BBX: variants seen among roughly 807,000 people sequenced by gnomAD.
The protein encoded by BBX is HMG box transcription factor BBX.
A neutral mutation model predicts 100.2 loss-of-function variants in BBX; 30 were observed. The ratio of observed to expected loss-of-function variants is 0.30; its 90% confidence interval spans 0.22 to 0.41. The LOEUF is 0.41. Ranked by LOEUF, BBX falls within the 10% of genes least tolerant of loss-of-function variation. The probability of loss-of-function intolerance (pLI) is 1.00; values close to 1 mark genes in which losing one functional copy is unlikely to be tolerated. For synonymous variants in BBX, 376 were observed against 388.1 expected, an observed-to-expected ratio of 0.97 and a Z score of 0.37; for missense variants, 1,023 against 1,129.8, an observed-to-expected ratio of 0.91 and a Z score of 1.35.
intron 2 of BBX, among the ~76,000 whole-genome samples, chr3:107,600,553 G>T (rs1298477216): frequency 2.0e-5 from 3 of 152,174 alleles, no homozygotes. Context: ...TGCTGGCACT[G>T]TTCTTTTCCA....
intron 5 of BBX, among the ~76,000 whole-genome samples, chr3:107,717,180 A>T (rs1350099422): frequency 6.6e-6 from 1 of 152,146 alleles, no homozygotes; most frequent in Non-Finnish European, 1.5e-5. Flanking sequence ...TTGTTTATTT[A>T]TCATGGTAAT....
At chr3:107,526,181 G>T (rs2047761092) in intron 1 of BBX, 146 bp from the exon 2 acceptor site, 1 of 396,290 alleles carries the variant, frequency 2.5e-6, no homozygotes, top group Non-Finnish European at 4.4e-6. Context: ...TCCAGTGTCG[G>T]GGGGTGGTAG....
intron 2 of BBX, among the ~76,000 whole-genome samples, chr3:107,637,100 G>A (rs1460723316): frequency 6.6e-6 from 1 of 152,030 alleles, no homozygotes; most frequent in African/African-American, 2.4e-5. Flanking sequence ...GAAGTTTTAA[G>A]CTTACAGCAA....
chr3:107,797,006 G>A (rs899274673), intron 15 of BBX, among the ~76,000 whole-genome samples: 1 of 151,972 alleles, frequency 6.6e-6, no homozygotes, highest in Admixed American at 6.5e-5. Flanking sequence ...ATTGAGGTAA[G>A]GCCAAACCAC....
At chr3:107,698,571 G>C (rs961759325) in intron 3 of BBX, among the ~76,000 whole-genome samples, 1 of 151,048 alleles carries the variant, frequency 6.6e-6, no homozygotes, top group African/African-American at 2.5e-5. Context: ...AGAATTGCTT[G>C]AACCTGGCAG....
chr3:107,773,024 A>G lies in BBX; in HGVS notation c.1303A>G (p.Ile435Val), dbSNP rs1431264779. Residue 435 changes from isoleucine (I) to valine (V), a missense_variant, in exon 11 of 18, where the codon ATT becomes GTT. Physicochemically the swap from Ile to Val is conservative, Grantham distance 29 (BLOSUM62 3). Around this residue, in one of 9 missense-constraint regions of BBX, gnomAD observed 348 missense variants for 353.2 expected, o/e 0.99. Coordinates refer to ENST00000325805, the MANE Select transcript of BBX (RefSeq NM_001142568.3). This position sits in a 1 kb window ranked among gnomAD's most constrained non-coding sequence, Gnocchi z 4.1. ...GGATCATATGTGCCATCCTCATGGA[A>G]TTATGATCATTGAGGATCCCGCAGC... The part of the protein sequence containing the change: ...RKDHMCHPHG[I>V]MIIEDPAALN... 2 of 1,614,002 alleles carry G rather than the reference A, an allele frequency of 1.2e-6. No individual in the cohort carries two copies. The highest frequency in any genetic ancestry group is 1.7e-6 in the Non-Finnish European group (2 of 1,180,008).
chr3:107,810,138 A>G lies in BBX; in HGVS notation c.*4681A>G, dbSNP rs979982077. 2 of 151,330 alleles carry G rather than the reference A, an allele frequency of 1.3e-5. No individual in the cohort carries two copies. The highest frequency in any genetic ancestry group is 1.5e-5 in the Non-Finnish European group (1 of 67,920). 9.4% of individuals were successfully genotyped at this position (151,330 alleles called of 1,614,324 possible). ...CAAGCGTGAATAAAAAGACAAATGT[A>G]TTTGACTCCCTCATAATCCCCATCT... On this transcript the variant is annotated 3_prime_UTR_variant, in exon 18 of 18. Coordinates refer to ENST00000325805, the MANE Select transcript of BBX (RefSeq NM_001142568.3).
At chr3:107,676,285 T>A (rs2059276478) in intron 3 of BBX, among the ~76,000 whole-genome samples, 1 of 152,186 alleles carries the variant, frequency 6.6e-6, no homozygotes, top group Non-Finnish European at 1.5e-5. Context: ...TTTGGTTGGA[T>A]ATCAGTCTTC....
intron 10 of BBX, among the ~76,000 whole-genome samples, chr3:107,760,131 A>G (rs373735367): frequency 2.6e-5 from 4 of 152,342 alleles, no homozygotes; most frequent in African/African-American, 9.6e-5. Context: ...CACATGGACA[A>G]TAAGTGTTAG....
chr3:107,701,785 A>G (rs902114958), intron 3 of BBX, among the ~76,000 whole-genome samples: 2 of 150,590 alleles, frequency 1.3e-5, no homozygotes, highest in Non-Finnish European at 3.0e-5. Context: ...GAAGCAAAAT[A>G]TGTTATCTCT....
At position 107,746,177 on chromosome 3, in the gene BBX, C is replaced by T. The variant is rs925247052; in HGVS notation, c.750+1467C>T. ...ATATATTGTATTTAGGTATAACCTA[C>T]AATATTTGTGTATTTCCCCTTATAT... On this transcript the variant is annotated intron_variant, in intron 8 of 17. Transcript: ENST00000325805. Among the ~76,000 whole-genome samples, 4 of 152,170 alleles carry T rather than the reference C, an allele frequency of 2.6e-5. No homozygotes were observed. The South Asian group carries it at 8.3e-4, about 32-fold the overall frequency.
At chr3:107,757,946 G>A (rs2065615619) in intron 10 of BBX, among the ~76,000 whole-genome samples, 1 of 152,064 alleles carries the variant, frequency 6.6e-6, no homozygotes, top group Non-Finnish European at 1.5e-5. Flanking sequence ...CACCCATCTC[G>A]GGATTTCTAA....
intron 2 of BBX, among the ~76,000 whole-genome samples, chr3:107,637,572 G>C (rs1381851727): frequency 6.6e-6 from 1 of 152,184 alleles, no homozygotes; most frequent in Non-Finnish European, 1.5e-5. Flanking sequence ...TTGTGTGGTC[G>C]ATGGGTTGAA....
chr3:107,704,717 G>A (rs1244904760), intron 3 of BBX, among the ~76,000 whole-genome samples: 1 of 152,154 alleles, frequency 6.6e-6, no homozygotes, highest in Non-Finnish European at 1.5e-5. Context: ...ATTGCCTCTT[G>A]TTAGGCCCTA....
chr3:107,567,069 A>AT (rs945925948), intron 2 of BBX, among the ~76,000 whole-genome samples: 26 of 151,656 alleles, frequency 1.7e-4, no homozygotes, highest in Non-Finnish European at 1.8e-4. Context: ...TTTCCCATTA[A>AT]TTTTTTTTGT....
At chr3:107,554,862 A>T (rs182946917) in intron 2 of BBX, among the ~76,000 whole-genome samples, 2 of 152,278 alleles carry the variant, frequency 1.3e-5, no homozygotes, top group Admixed American at 1.3e-4. Flanking sequence ...TGAGGTCGGG[A>T]GTTCAAGACC....
intron 12 of BBX, among the ~76,000 whole-genome samples, chr3:107,775,722 CT>C (rs1270477818): frequency 7.9e-5 from 12 of 152,068 alleles, no homozygotes; most frequent in African/African-American, 2.9e-4. Context: ...TTGCATATCT[CT>C]TTGTGGAATA....
chr3:107,757,030 T>A (rs1372734667), intron 10 of BBX, among the ~76,000 whole-genome samples: 1 of 152,126 alleles, frequency 6.6e-6, no homozygotes, highest in East Asian at 1.9e-4. Context: ...AAGTGATTAT[T>A]TTTCTTGAAT....
intron 3 of BBX, among the ~76,000 whole-genome samples, chr3:107,652,379 C>T (rs754242826): frequency 0.2 from 30,060 of 151,866 alleles, 3,222 homozygotes; most frequent in African/African-American, 0.28. Context: ...GTAAAATTTA[C>T]CAGTTTTTCT....
Sources: allele counts gnomAD v4.1 joint callset (sites outside exome capture counted in the v4.1 genomes callset), GRCh38; gene constraint gnomAD v4.1.1; regional missense constraint gnomAD v4.1.1; non-coding constraint Gnocchi (gnomAD v3.1); transcripts MANE v1.5; gene names NCBI Gene and HGNC (gene_info 2026-07-23, HGNC 2026-07-21).